STRIP2: variants seen among roughly 807,000 people sequenced by gnomAD.
STRIP2 encodes striatin-interacting protein 2.
STRIP2 carries 84 observed loss-of-function variants against 107.1 expected under a neutral mutation model. That is an observed-to-expected ratio of 0.78 (90% CI 0.66 to 0.94). The LOEUF is 0.94. Among genes scored for constraint, STRIP2 ranks in the 40% least tolerant of loss-of-function variants. The pLI is 0.00. For missense variants in STRIP2, 888 were observed against 1,034.2 expected (o/e 0.86, Z 1.94); for synonymous variants, 394 against 400.4 (o/e 0.98, Z 0.19).
rs1323527700 is a variant in STRIP2, at chr7:129,487,922, T to C, written c.*2093T>C. Reference sequence around the variant, plus strand: ...TTTGTATTTATTTACAACCCTTTTCTAAGGGAAGGTTACTTCTCAGTGCAG... The same window carrying C: ...TTTGTATTTATTTACAACCCTTTTCCAAGGGAAGGTTACTTCTCAGTGCAG... On this transcript the variant is annotated 3_prime_UTR_variant, in exon 21 of 21. Coordinates refer to ENST00000249344, the MANE Select transcript of STRIP2 (RefSeq NM_020704.3). The C allele has an allele frequency of 6.6e-6, 1 of 152,192 alleles. No homozygotes were observed. Among genetic ancestry groups the C allele is most frequent in the Non-Finnish European group, 1.5e-5 (1 of 68,032 alleles). 9.4% of individuals were successfully genotyped at this position (152,192 alleles called of 1,614,324 possible).
intron 20 of STRIP2, 106 bp from the exon 21 acceptor site, chr7:129,485,468 AAAAAG>A: frequency 4.9e-5 from 62 of 1,269,646 alleles, no homozygotes; most frequent in Non-Finnish European, 6.1e-5. Flanking sequence ...AAAAAAAAAA[AAAAAG>A]AATTTCTGAG....
chr7:129,460,208 A>G, intron 12 of STRIP2, 93 bp from the exon 13 acceptor site: 1 of 1,147,308 alleles, frequency 8.7e-7, no homozygotes, highest in Non-Finnish European at 1.3e-6. Flanking sequence ...CATAAGCAGA[A>G]CATTTCCTTG....
chr7:129,484,776 A>G (rs1562921891), intron 20 of STRIP2: 1 of 152,236 alleles, frequency 6.6e-6, no homozygotes. Flanking sequence ...AAATTTTTAA[A>G]ACACAAAAAT....
In STRIP2 at chr7:129,458,456, T is replaced by A. The variant is rs928067651; in HGVS notation, c.1274+6T>A. On this transcript the variant is annotated splice_donor_region_variant and intron_variant, in intron 10 of 20. Coordinates refer to ENST00000249344, the MANE Select transcript of STRIP2 (RefSeq NM_020704.3). The surrounding 1 kb of genome is among the most constrained non-coding windows in gnomAD (Gnocchi z 4.6). ...CCCTGGGCCCCAAAGGTCAGGTAGGTTTGATAGCATCAGGGACCCCTATGC... is the reference window on the plus strand; with the variant it reads ...CCCTGGGCCCCAAAGGTCAGGTAGGATTGATAGCATCAGGGACCCCTATGC... 5 of 1,562,060 alleles carry A rather than the reference T, an allele frequency of 3.2e-6. No homozygotes were observed. Among genetic ancestry groups the A allele is most frequent in the Non-Finnish European group, 3.5e-6 (4 of 1,154,872 alleles).
chr7:129,439,451 C>A (rs692686), intron 1 of STRIP2, among the ~76,000 whole-genome samples: 128,543 of 152,198 alleles, frequency 0.84, 55,305 homozygotes, highest in East Asian at 0.96. Context: ...AACATATTTA[C>A]TAGGATTATA....
At position 129,486,038 on chromosome 7, in the gene STRIP2, C is replaced by A. The variant is rs1198077171; in HGVS notation, c.*209C>A. 3 of 555,972 alleles carry A rather than the reference C, an allele frequency of 5.4e-6. No homozygotes were observed. The highest frequency in any genetic ancestry group is 1.9e-5 in the African/African-American group (1 of 53,036). 34.4% of individuals were successfully genotyped at this position (555,972 alleles called of 1,614,324 possible). On this transcript the variant is annotated 3_prime_UTR_variant, in exon 21 of 21. Transcript: ENST00000249344. ...TGGGTGCCCAGTTGGCCTTGGAAATCTTTTGGTGGATCAATTCTAGACAAG... is the reference window on the plus strand; with the variant it reads ...TGGGTGCCCAGTTGGCCTTGGAAATATTTTGGTGGATCAATTCTAGACAAG...
intron 11 of STRIP2, among the ~76,000 whole-genome samples, chr7:129,459,149 C>T (rs1286548376): frequency 6.6e-6 from 1 of 152,152 alleles, no homozygotes; most frequent in African/African-American, 2.4e-5. Flanking sequence ...AGTCTTCCCC[C>T]ATTCCCCAGC....
intron 7 of STRIP2, 147 bp from the exon 8 acceptor site, chr7:129,455,097 G>T: frequency 1.0e-6 from 1 of 993,070 alleles, no homozygotes; most frequent in South Asian, 2.0e-5. Context: ...CCTTCTGGGG[G>T]CTAAGCCTCC....
intron 16 of STRIP2, among the ~76,000 whole-genome samples, chr7:129,465,631 A>AT (rs1393850246): frequency 1.3e-5 from 2 of 152,196 alleles, no homozygotes; most frequent in Non-Finnish European, 2.9e-5. Flanking sequence ...AAGTAGTCTT[A>AT]TTTAATACCT....
chr7:129,455,083 G>C (rs1424885038), intron 7 of STRIP2, among the ~76,000 whole-genome samples, 161 bp from the exon 8 acceptor site: 4 of 152,160 alleles, frequency 2.6e-5, no homozygotes, highest in Admixed American at 2.6e-4. Context: ...CCCTTGAGGG[G>C]CTTCCTTCTG....
At chr7:129,464,938 G>A (rs1798635196) in intron 16 of STRIP2, among the ~76,000 whole-genome samples, 200 bp downstream of exon 16, 1 of 152,046 alleles carries the variant, frequency 6.6e-6, no homozygotes, top group African/African-American at 2.4e-5. Flanking sequence ...AGGTGCAGAT[G>A]TCTGTGTCCC....
intron 19 of STRIP2, 73 bp from the exon 20 acceptor site, chr7:129,482,769 G>T: frequency 6.4e-7 from 1 of 1,566,552 alleles, no homozygotes; most frequent in Non-Finnish European, 8.7e-7. Flanking sequence ...AGCTAGGTTT[G>T]GTTTAATTTG....
At chr7:129,469,475 G>A (rs1303068065) in intron 17 of STRIP2, among the ~76,000 whole-genome samples, 2 of 152,206 alleles carry the variant, frequency 1.3e-5, no homozygotes, top group East Asian at 1.9e-4. Context: ...TTTCCTGGTC[G>A]CCGGCAACTA....
intron 18 of STRIP2, among the ~76,000 whole-genome samples, chr7:129,480,395 A>G (rs544693061): frequency 2.0e-5 from 3 of 152,230 alleles, no homozygotes; most frequent in Non-Finnish European, 2.9e-5. Flanking sequence ...ATAGTTTAAA[A>G]TCTACCAGAA....
intron 2 of STRIP2, among the ~76,000 whole-genome samples, chr7:129,440,976 C>T (rs1786255235): frequency 6.6e-6 from 1 of 151,480 alleles, no homozygotes; most frequent in South Asian, 2.1e-4. Context: ...GTTTAATAAC[C>T]AACAAAGGAT....
At position 129,456,141 on chromosome 7, in the gene STRIP2, C is replaced by CTTTTTTTTTTTT. The variant is rs775446984; in HGVS notation, c.835-290_835-289insTTTTTTTTTTTT. 7.4e-5 allele frequency among the ~76,000 whole-genome samples: 6 copies of CTTTTTTTTTTTT among 81,008 alleles called. 2 individuals are homozygous for CTTTTTTTTTTTT. Among genetic ancestry groups the CTTTTTTTTTTTT allele is most frequent in the Non-Finnish European group, 5.4e-5 (2 of 36,804 alleles). 53.1% of individuals were successfully genotyped at this position (81,008 alleles called of 152,430 possible). On this transcript the variant is annotated intron_variant, in intron 8 of 20. Coordinates refer to ENST00000249344, the MANE Select transcript of STRIP2 (RefSeq NM_020704.3). Reference sequence around the variant, plus strand: ...TGTTCCTTAAAAAAGTCGATAGTTTCTTTTTTTTCTTTTTTTTTTTTTTTG... The same window carrying CTTTTTTTTTTTT: ...TGTTCCTTAAAAAAGTCGATAGTTTCTTTTTTTTTTTTTTTTTTTTCTTTTTTTTTTTTTTTG...
chr7:129,456,613 A>G lies in STRIP2; in HGVS notation c.1009A>G (p.Lys337Glu). 6.2e-7 allele frequency: 1 copy of G among 1,613,920 alleles called. No homozygotes were observed. Among genetic ancestry groups the G allele is most frequent in the African/African-American group, 1.3e-5 (1 of 74,986 alleles). The change falls in exon 9 of 21, where the codon AAG (lysine) becomes GAG (glutamate). Residue 337 changes from lysine to glutamate, a missense_variant. Physicochemically the swap from Lys to Glu is moderately conservative, Grantham distance 56. Coordinates refer to ENST00000249344, the MANE Select transcript of STRIP2 (RefSeq NM_020704.3). ...GESQLAPPPSKLRGRRGSRRQ... is the reference protein window; with the variant it reads ...GESQLAPPPSELRGRRGSRRQ... ...GTCTCAGCTGGCACCCCCACCCTCC[A>G]AGCTGCGAGGCCGCCGTGGCTCTCG...
rs550182335 is a variant in STRIP2, at chr7:129,456,548, G to A, written c.944G>A (p.Arg315His). Residue 315 changes from arginine to histidine, a missense_variant, in exon 9 of 21, where the codon CGT becomes CAT. Arg to His is a conservative substitution (Grantham distance 29). Coordinates refer to ENST00000249344, the MANE Select transcript of STRIP2 (RefSeq NM_020704.3). ...EDSIQVVKSMRAASPPSYTLD... is the reference protein window; with the variant it reads ...EDSIQVVKSMHAASPPSYTLD... Reference sequence around the variant, plus strand: ...AGTATCCAGGTGGTGAAGAGCATGCGTGCTGCCTCCCCGCCCTCTTACACT... The same window carrying A: ...AGTATCCAGGTGGTGAAGAGCATGCATGCTGCCTCCCCGCCCTCTTACACT... The A allele has an allele frequency of 5.6e-6, 9 of 1,614,084 alleles. No individual in the cohort carries two copies. Among genetic ancestry groups the A allele is most frequent in the Middle Eastern group, 1.6e-4 (1 of 6,062 alleles).
rs1798444040 is a variant in STRIP2, at chr7:129,458,834, G to A, written c.1340+57G>A. On this transcript the variant is annotated intron_variant, in intron 11 of 20. Transcript: ENST00000249344. This position sits in a 1 kb window ranked among gnomAD's most constrained non-coding sequence, Gnocchi z 4.6. ...GAGTGGTTCCTAGGGGGCCAGAGGAGCAGGTAGCTTGGAATGAGGGATGGT... is the reference window on the plus strand; with the variant it reads ...GAGTGGTTCCTAGGGGGCCAGAGGAACAGGTAGCTTGGAATGAGGGATGGT... The A allele has an allele frequency of 6.4e-7, 1 of 1,558,658 alleles. No individual in the cohort carries two copies. The highest frequency in any genetic ancestry group is 1.7e-5 in the Admixed American group (1 of 59,726).
Sources: gnomAD v4.1 joint callset for allele counts (sites outside exome capture counted in the v4.1 genomes callset) on GRCh38, gnomAD v4.1.1 for gene constraint, Gnocchi (gnomAD v3.1) non-coding constraint, MANE v1.5 for transcripts, NCBI Gene and HGNC (gene_info 2026-07-23, HGNC 2026-07-21) for gene names.